FMN2: variants seen among roughly 807,000 people sequenced by gnomAD.
FMN2 encodes the protein formin-2.
In FMN2, 51 loss-of-function variants were observed where a neutral mutation model predicts 142.3. The observed-to-expected ratio is 0.36, with a 90% confidence interval of 0.29 to 0.45. The LOEUF is 0.45. FMN2 is among the 20% of genes least tolerant of loss of function. The probability of loss-of-function intolerance (pLI) is 1.00; values close to 1 mark genes in which losing one functional copy is unlikely to be tolerated. For synonymous variants in FMN2, 882 were observed against 869.8 expected (o/e 1.01, Z -0.25); for missense variants, 1,936 against 2,122.8 (o/e 0.91, Z 1.73).
chr1:240,468,366 C>T (rs576239118), intron 16 of FMN2, among the ~76,000 whole-genome samples: 2 of 141,606 alleles, frequency 1.4e-5, no homozygotes, highest in East Asian at 4.0e-4. Context: ...ATGAATCATG[C>T]ACAGAGCTGT....
intron 8 of FMN2, among the ~76,000 whole-genome samples, chr1:240,298,158 A>C (rs1382484746): frequency 6.6e-6 from 1 of 152,194 alleles, no homozygotes; most frequent in Non-Finnish European, 1.5e-5. Context: ...TGCTGTTCTC[A>C]AACTTTAAGG....
chr1:240,214,903 A>G (rs1666835380), intron 6 of FMN2, among the ~76,000 whole-genome samples: 5 of 152,140 alleles, frequency 3.3e-5, no homozygotes. Flanking sequence ...CTGAATCTAT[A>G]AAAAATATAA....
At chr1:240,431,894 T>C (rs1248009523) in intron 15 of FMN2, among the ~76,000 whole-genome samples, 2 of 151,532 alleles carry the variant, frequency 1.3e-5, no homozygotes, top group Non-Finnish European at 3.0e-5. Flanking sequence ...TTTTTGCTTA[T>C]GCTCATGAGG....
chr1:240,228,074 C>T (rs1038197831), intron 6 of FMN2, among the ~76,000 whole-genome samples: 6 of 151,802 alleles, frequency 4.0e-5, no homozygotes, highest in Middle Eastern at 3.4e-3. Context: ...GAGGCCGAGG[C>T]GGGTGGATCA....
chr1:240,444,006 A>G (rs565605239), intron 16 of FMN2, among the ~76,000 whole-genome samples: 1 of 152,102 alleles, frequency 6.6e-6, no homozygotes, highest in Non-Finnish European at 1.5e-5. Flanking sequence ...TTGACTAAGA[A>G]TGTGTGTCTT....
chr1:240,158,945 T>C (rs1489728912), intron 2 of FMN2, among the ~76,000 whole-genome samples: 2 of 152,192 alleles, frequency 1.3e-5, no homozygotes, highest in African/African-American at 4.8e-5. Context: ...TATTTATATA[T>C]AGTCTTTTAT....
chr1:240,466,394 A>G (rs1048717932), intron 16 of FMN2, among the ~76,000 whole-genome samples: 11 of 152,210 alleles, frequency 7.2e-5, no homozygotes, highest in Non-Finnish European at 1.3e-4. Flanking sequence ...TCTTTAAGTT[A>G]CATTTACAAC....
At chr1:240,470,471 T>TATATCTGAAAGGC (rs1484982776) in intron 16 of FMN2, among the ~76,000 whole-genome samples, 1 of 152,196 alleles carries the variant, frequency 6.6e-6, no homozygotes, top group Non-Finnish European at 1.5e-5. Context: ...GCAGGCATTT[T>TATATCTGAAAGGC]ATATCTGAAA....
At chr1:240,264,489 G>T (rs1440095174) in intron 7 of FMN2, among the ~76,000 whole-genome samples, 2 of 151,990 alleles carry the variant, frequency 1.3e-5, no homozygotes, top group African/African-American at 2.4e-5. Context: ...CCATCAATCT[G>T]TCATCTACAT....
intron 13 of FMN2, among the ~76,000 whole-genome samples, chr1:240,351,436 A>C (rs1025692137): frequency 6.6e-6 from 1 of 152,132 alleles, no homozygotes; most frequent in Non-Finnish European, 1.5e-5. Flanking sequence ...AAATGACTTT[A>C]CAGTTTTTCT....
intron 6 of FMN2, among the ~76,000 whole-genome samples, chr1:240,225,629 G>A (rs1667270962): frequency 2.0e-5 from 3 of 152,212 alleles, no homozygotes; most frequent in Admixed American, 1.3e-4. Flanking sequence ...TGCGTGAAAT[G>A]TCTAGTTTTC....
intron 6 of FMN2, among the ~76,000 whole-genome samples, chr1:240,241,389 T>C (rs937364858): frequency 6.6e-6 from 1 of 152,172 alleles, no homozygotes; most frequent in Admixed American, 6.5e-5. Flanking sequence ...GAAGTTCCCT[T>C]GGTTTTTTGT....
At chr1:240,259,800 T>A (rs918349621) in intron 7 of FMN2, among the ~76,000 whole-genome samples, 7 of 152,164 alleles carry the variant, frequency 4.6e-5, no homozygotes, top group African/African-American at 1.4e-4. Flanking sequence ...TGGTATTTGG[T>A]TACATGAGTA....
At chr1:240,305,498 A>G (rs570995943) in intron 8 of FMN2, among the ~76,000 whole-genome samples, 1 of 152,370 alleles carries the variant, frequency 6.6e-6, no homozygotes, top group African/African-American at 2.4e-5. Flanking sequence ...CAAATAAGTT[A>G]AAGTTAAAAA....
chr1:240,209,676 G>A lies in FMN2; in HGVS notation c.3920+944G>A, dbSNP rs370099700. Among the ~76,000 whole-genome samples the A allele has an allele frequency of 3.3e-5, 5 of 150,498 alleles. No individual in the cohort carries two copies. The South Asian group carries it at 6.4e-4, about 19-fold the overall frequency. ...TCCCAGCACTTTGGGAGGCCGAGGC[G>A]GGTGGATCACAAGGTCAGGAGATTG... On this transcript the variant is annotated intron_variant, in intron 5 of 17. Transcript: ENST00000319653.
chr1:240,244,888 G>A (rs1488115289), intron 6 of FMN2, among the ~76,000 whole-genome samples: 1 of 152,170 alleles, frequency 6.6e-6, no homozygotes, highest in Non-Finnish European at 1.5e-5. Flanking sequence ...GCTGGGCATA[G>A]CAGTTTAAAC....
intron 6 of FMN2, among the ~76,000 whole-genome samples, chr1:240,221,309 G>A (rs574550575): frequency 1.3e-5 from 2 of 152,118 alleles, no homozygotes; most frequent in Admixed American, 6.5e-5. Flanking sequence ...TTCCACAATG[G>A]TTGAACTAAT....
intron 2 of FMN2, among the ~76,000 whole-genome samples, chr1:240,126,748 A>G (rs1662524510): frequency 6.6e-6 from 1 of 152,204 alleles, no homozygotes; most frequent in Non-Finnish European, 1.5e-5. Flanking sequence ...GCAGTGTTTT[A>G]GGCTCTGGAG....
intron 15 of FMN2, among the ~76,000 whole-genome samples, chr1:240,397,615 C>T (rs974944276): frequency 2.6e-5 from 4 of 151,612 alleles, no homozygotes; most frequent in African/African-American, 9.7e-5. Context: ...ATGGCAAAAC[C>T]CTGTCTCTAC....
Sources: allele counts gnomAD v4.1 joint callset (sites outside exome capture counted in the v4.1 genomes callset), GRCh38; gene constraint gnomAD v4.1.1; transcripts MANE v1.5; gene names NCBI Gene and HGNC (gene_info 2026-07-23, HGNC 2026-07-21).